The following ATG7 variants were observed in gnomAD, a reference collection of about 807,000 sequenced individuals.
ATG7 encodes autophagy related 7, also known as ubiquitin-like modifier-activating enzyme ATG7.
In ATG7, 70 loss-of-function variants were observed where a neutral mutation model predicts 82.4. The ratio of observed to expected loss-of-function variants is 0.85; its 90% CI spans 0.70 to 1.04. The LOEUF is 1.04. Ranked by LOEUF, ATG7 falls within the 50% of genes least tolerant of loss-of-function variation. The probability of loss-of-function intolerance (pLI) is 0.00; values close to 1 mark genes in which losing one functional copy is unlikely to be tolerated. For synonymous variants in ATG7, 287 were observed against 313.0 expected, an observed-to-expected ratio of 0.92 and a Z score of 0.88; for missense variants, 792 against 864.3, an observed-to-expected ratio of 0.92 and a Z score of 1.05.
At chr3:11,423,944 A>G (rs1009778948) in intron 19 of ATG7, among the ~76,000 whole-genome samples, 1 of 152,102 alleles carries the variant, frequency 6.6e-6, no homozygotes, top group Admixed American at 6.6e-5. Flanking sequence ...ATTGTTCCAC[A>G]CTGTTTAAAT....
intron 20 of ATG7, among the ~76,000 whole-genome samples, chr3:11,526,708 T>G (rs2092586877): frequency 6.6e-6 from 1 of 152,198 alleles, no homozygotes; most frequent in African/African-American, 2.4e-5. Context: ...ACTCTTGTTG[T>G]CTGTGTACCT....
intron 20 of ATG7, among the ~76,000 whole-genome samples, chr3:11,515,171 C>A (rs2092229570): frequency 6.6e-6 from 1 of 151,996 alleles, no homozygotes; most frequent in African/African-American, 2.4e-5. Context: ...CTGAGAAGAT[C>A]TGATAGAAGT....
downstream of ATG7, among the ~76,000 whole-genome samples, chr3:11,560,158 C>T (rs1017884770): frequency 1.3e-5 from 2 of 152,180 alleles, no homozygotes; most frequent in Non-Finnish European, 2.9e-5. Context: ...CCCACCACCA[C>T]CGCTTTTCAC....
chr3:11,568,252 C>G, the ATG7 span, among the ~76,000 whole-genome samples: 5 of 152,218 alleles, frequency 3.3e-5, no homozygotes, highest in Non-Finnish European at 7.3e-5. This position sits in a 1 kb window ranked among gnomAD's most constrained non-coding sequence, Gnocchi z 5.9. Flanking sequence ...ACCTTATGTC[C>G]TAGGGGCACG....
the ATG7 span, among the ~76,000 whole-genome samples, chr3:11,568,088 G>A: frequency 2.0e-5 from 3 of 152,346 alleles, no homozygotes; most frequent in South Asian, 6.2e-4. This position sits in a 1 kb window ranked among gnomAD's most constrained non-coding sequence, Gnocchi z 5.9. Flanking sequence ...GGGACAGAAA[G>A]GCCCGGGAGG....
chr3:11,524,381 C>T (rs1269989876), intron 20 of ATG7, among the ~76,000 whole-genome samples: 1 of 152,186 alleles, frequency 6.6e-6, no homozygotes, highest in African/African-American at 2.4e-5. Context: ...CAGAAATACA[C>T]AAGTTCCATA....
chr3:11,398,707 C>T (rs2079537450), intron 19 of ATG7, among the ~76,000 whole-genome samples: 1 of 152,066 alleles, frequency 6.6e-6, no homozygotes, highest in African/African-American at 2.4e-5. Flanking sequence ...TAAAAAATTG[C>T]CAGGTGTTAT....
chr3:11,461,123 G>T lies in ATG7; in HGVS notation c.2079+34197G>T, dbSNP rs187695020. On this transcript the variant is annotated intron_variant, in intron 20 of 20. Coordinates refer to ENST00000693202, the MANE Select transcript of ATG7 (RefSeq NM_001349232.2). ...ACCTTTAGGGAAGGCAAAGGGTGGG[G>T]CAGGGTTTGTGGAAGCCATGGATAT... Among the ~76,000 whole-genome samples the T allele has an allele frequency of 2.6e-5, 4 of 152,322 alleles. No homozygotes were observed. In the East Asian group the frequency reaches 7.7e-4, roughly 29 times the overall value.
chr3:11,297,754 G>A (rs1946178961), intron 3 of ATG7, among the ~76,000 whole-genome samples: 1 of 152,298 alleles, frequency 6.6e-6, no homozygotes, highest in South Asian at 2.1e-4. Context: ...TCAGCTAGAG[G>A]TGTTAAAGCA....
chr3:11,502,892 A>G (rs1164180303), intron 20 of ATG7, among the ~76,000 whole-genome samples: 1 of 152,172 alleles, frequency 6.6e-6, no homozygotes, highest in Admixed American at 6.6e-5. Context: ...GCCCTCTCTT[A>G]TTCCATTTTG....
chr3:11,339,319 G>C (rs1365755415), intron 11 of ATG7, among the ~76,000 whole-genome samples: 1 of 141,840 alleles, frequency 7.1e-6, no homozygotes, highest in Non-Finnish European at 1.5e-5. Flanking sequence ...AAAAAGAAAA[G>C]AAAAGAAAAC....
intron 3 of ATG7, among the ~76,000 whole-genome samples, chr3:11,286,156 T>C (rs1017022797): frequency 6.6e-6 from 1 of 152,184 alleles, no homozygotes; most frequent in East Asian, 1.9e-4. Flanking sequence ...CAGTGTCTGT[T>C]TGTCACGTTG....
At chr3:11,338,335 C>T (rs1437018117) in intron 11 of ATG7, among the ~76,000 whole-genome samples, 2 of 152,156 alleles carry the variant, frequency 1.3e-5, no homozygotes, top group African/African-American at 4.8e-5. Flanking sequence ...GTGTGTACCA[C>T]ATTTTCTTTA....
Position 11,471,494 on chromosome 3 carries a change from A to T in ATG7, c.2079+44568A>T, listed in dbSNP as rs535644170. 5.9e-5 allele frequency among the ~76,000 whole-genome samples: 9 copies of T among 152,264 alleles called. 1 individual carries two copies. In the South Asian group the frequency reaches 8.3e-4, roughly 14 times the overall value. The stretch of plus-strand genomic sequence containing the variant: ...AGCACTTAGTAAAAACATTTAAAAA[A>T]TTTTTACTGTCTCCATTTTGCAGAT... On this transcript the variant is annotated intron_variant, in intron 20 of 20. Coordinates refer to ENST00000693202, the MANE Select transcript of ATG7 (RefSeq NM_001349232.2).
At chr3:11,336,650 G>T (rs574717082) in intron 11 of ATG7, among the ~76,000 whole-genome samples, 1 of 152,072 alleles carries the variant, frequency 6.6e-6, no homozygotes, top group Non-Finnish European at 1.5e-5. Flanking sequence ...GGTATAAGGA[G>T]TATTATTTTA....
At chr3:11,455,459 C>T (rs1293461401) in intron 20 of ATG7, among the ~76,000 whole-genome samples, 1 of 152,164 alleles carries the variant, frequency 6.6e-6, no homozygotes, top group Non-Finnish European at 1.5e-5. Context: ...CTCATACCTC[C>T]TTCAGAGTAG....
intron 3 of ATG7, chr3:11,290,788 AGTTCTCCTGCCTC>A (rs1944859454): frequency 1.8e-5 from 3 of 164,940 alleles, no homozygotes; most frequent in Non-Finnish European, 2.7e-5. Flanking sequence ...GGGTTCAAGC[AGTTCTCCTGCCTC>A]AGCCTCCTGA....
intron 20 of ATG7, among the ~76,000 whole-genome samples, chr3:11,495,619 A>G (rs1261373475): frequency 1.3e-5 from 2 of 152,068 alleles, no homozygotes; most frequent in African/African-American, 4.8e-5. Context: ...ATTAGACTTA[A>G]TGATCCACCT....
At chr3:11,398,717 T>A (rs189360497) in intron 19 of ATG7, among the ~76,000 whole-genome samples, 1 of 152,170 alleles carries the variant, frequency 6.6e-6, no homozygotes, top group African/African-American at 2.4e-5. Flanking sequence ...CCAGGTGTTA[T>A]GGCACATGCC....
Sources: gnomAD v4.1 joint callset for allele counts (sites outside exome capture counted in the v4.1 genomes callset) on GRCh38, gnomAD v4.1.1 for gene constraint, Gnocchi (gnomAD v3.1) non-coding constraint, MANE v1.5 for transcripts, NCBI Gene and HGNC (gene_info 2026-07-23, HGNC 2026-07-21) for gene names.